RIC3: variants seen among roughly 807,000 people sequenced by gnomAD.
RIC3 encodes RIC3 acetylcholine receptor chaperone, also known as protein RIC-3.
RIC3 carries 28 observed loss-of-function variants against 27.3 expected under a neutral mutation model. The ratio of observed to expected loss-of-function variants is 1.02; its 90% CI spans 0.76 to 1.41. RIC3 has a LOEUF of 1.41. Ranked by LOEUF, RIC3 falls within the 40% of genes most tolerant of loss-of-function variation. The pLI, the probability that RIC3 is intolerant of heterozygous loss-of-function variation, is 0.00. For missense variants in RIC3, 501 were observed against 444.7 expected, an observed-to-expected ratio of 1.13 and a Z score of -1.14; for synonymous variants, 184 against 160.4, an observed-to-expected ratio of 1.15 and a Z score of -1.11.
Position 8,140,072 on chromosome 11 carries a change from T to G in RIC3, c.246A>C (p.Ser82=). The change falls in exon 2 of 6, where the codon TCA becomes TCC. Residue 82 remains serine (S), a synonymous_variant. Coordinates refer to ENST00000309737, the MANE Select transcript of RIC3 (RefSeq NM_001206671.4). ...LAEAFAKAKG[S]GGGAGGGGSG... ...TACCTCCTCCTCCAGCACCTCCACC[T>G]GATCCTTTGGCCTTTGCAAATGCCT... 6.2e-7 allele frequency: 1 copy of G among 1,614,112 alleles called. No individual in the cohort carries two copies.
At chr11:8,133,679 C>A (rs1430537541) in intron 4 of RIC3, among the ~76,000 whole-genome samples, 2 of 152,182 alleles carry the variant, frequency 1.3e-5, no homozygotes, top group Non-Finnish European at 1.5e-5. Context: ...TGAAATGAGA[C>A]AGTACAACTC....
intron 1 of RIC3, among the ~76,000 whole-genome samples, chr11:8,159,238 T>C (rs961727644): frequency 6.6e-6 from 1 of 152,076 alleles, no homozygotes; most frequent in Admixed American, 6.6e-5. Flanking sequence ...AAGAAGAGCA[T>C]TTCAAACAAG....
chr11:8,095,654 T>C, the RIC3 span: 2 of 1,601,494 alleles, frequency 1.2e-6, no homozygotes, highest in South Asian at 1.1e-5. Context: ...CGTGCCACGA[T>C]GCAGAGGAAG....
At chr11:8,126,862 A>C (rs1947042963) in intron 4 of RIC3, 55 bp from the exon 5 acceptor site, 1 of 1,600,248 alleles carries the variant, frequency 6.2e-7, no homozygotes, top group Non-Finnish European at 8.5e-7. Context: ...TAGGCAATGG[A>C]CGTAAACATC....
chr11:8,144,609 G>T lies in RIC3; in HGVS notation c.125-4416C>A, dbSNP rs1012234349. Among the ~76,000 whole-genome samples the T allele has an allele frequency of 5.9e-3, 892 of 152,000 alleles. 9 individuals are homozygous for T. Among genetic ancestry groups the T allele is most frequent in the African/African-American group, 0.02 (846 of 41,380 alleles). On this transcript the variant is annotated intron_variant, in intron 1 of 5. Coordinates refer to ENST00000309737, the MANE Select transcript of RIC3 (RefSeq NM_001206671.4). ...ACTGTAAACTAGTTCAACCATTGTG[G>T]AAGTCAGTGTGGTGATTCCTCAGGG... is the stretch of plus-strand genomic sequence containing the variant.
intron 1 of RIC3, among the ~76,000 whole-genome samples, chr11:8,157,419 A>G (rs1312407903): frequency 6.6e-6 from 1 of 152,174 alleles, no homozygotes; most frequent in Non-Finnish European, 1.5e-5. Context: ...ACACAAACCC[A>G]AATCCTATAA....
intron 1 of RIC3, among the ~76,000 whole-genome samples, chr11:8,152,628 G>T (rs1486837559): frequency 6.6e-6 from 1 of 152,140 alleles, no homozygotes; most frequent in East Asian, 1.9e-4. Context: ...GTGGGGAGGT[G>T]TGTGATTTAA....
In RIC3 at chr11:8,142,138, C is replaced by T. The variant is rs1347847087; in HGVS notation, c.125-1945G>A. Among the ~76,000 whole-genome samples, 302 of 144,790 alleles carry T rather than the reference C, an allele frequency of 2.1e-3. 1 individual carries two copies. Among genetic ancestry groups the T allele is most frequent in the Non-Finnish European group, 3.7e-3 (243 of 66,434 alleles). The allele number at this position is 144,790 out of a possible 152,430, so 95.0% of individuals were successfully genotyped here. ...AGAACTAGAAAAGCAAGAGCAAACA[C>T]ATTCAAAAGCTAGCAGAAGGCAAGA... is the stretch of plus-strand genomic sequence containing the variant. On this transcript the variant is annotated intron_variant, in intron 1 of 5. Transcript: ENST00000309737.
chr11:8,140,033 C>T lies in RIC3; in HGVS notation c.285G>A (p.Leu95=). ...GAGGGGSGRG[L]MGQIIPIYGF... ...CGTAGATTGGAATAATCTGCCCCAT[C>T]AGACCTCTTCCACTACCTCCTCCTC... is the stretch of plus-strand genomic sequence containing the variant. The change falls in exon 2 of 6, where the codon CTG becomes CTA. Residue 95 remains leucine, a synonymous_variant. Transcript: ENST00000309737. 6.2e-7 allele frequency: 1 copy of T among 1,614,114 alleles called. No individual in the cohort carries two copies.
At chr11:8,112,505 G>A (rs1945392564) in intron 5 of RIC3, among the ~76,000 whole-genome samples, 1 of 152,022 alleles carries the variant, frequency 6.6e-6, no homozygotes, top group South Asian at 2.1e-4. Context: ...ATGTTGGCCA[G>A]GCTGGTCTCA....
chr11:8,137,342 G>A (rs544466857), intron 4 of RIC3, 36 bp downstream of exon 4: 38 of 1,574,906 alleles, frequency 2.4e-5, no homozygotes, highest in Non-Finnish European at 2.8e-5. Flanking sequence ...TTTTCTAAAT[G>A]AGAAATAGTC....
intron 5 of RIC3, among the ~76,000 whole-genome samples, chr11:8,113,215 T>C (rs552333246): frequency 6.6e-6 from 1 of 152,324 alleles, no homozygotes; most frequent in African/African-American, 2.4e-5. Flanking sequence ...ACTGAATGCT[T>C]AAAAGAAGTC....
chr11:8,129,979 C>T (rs1261013864), intron 4 of RIC3, among the ~76,000 whole-genome samples: 1 of 152,226 alleles, frequency 6.6e-6, no homozygotes, highest in East Asian at 1.9e-4. Context: ...AACTCCAAAG[C>T]CTTATGTACT....
rs371146850 is a variant in RIC3 at position 8,167,170 on chromosome 11, T to C, written c.124+1696A>G. Among the ~76,000 whole-genome samples, 10 of 152,270 alleles carry C rather than the reference T, an allele frequency of 6.6e-5. No individual in the cohort carries two copies. The East Asian group carries it at 1.5e-3, about 24-fold the overall frequency. The stretch of plus-strand genomic sequence containing the variant: ...TCTTAAAGTATTTATTGACTGCCCA[T>C]TATATGCCAGGTACTGAAGAAACAG... On this transcript the variant is annotated intron_variant, in intron 1 of 5. Transcript: ENST00000309737.
At chr11:8,117,257 G>T (rs1945951947) in intron 5 of RIC3, among the ~76,000 whole-genome samples, 1 of 152,136 alleles carries the variant, frequency 6.6e-6, no homozygotes, top group African/African-American at 2.4e-5. Context: ...TGGAGACAGG[G>T]TTTCACCGTG....
At chr11:8,106,018 T>TTTA (rs1944590400), downstream of RIC3, 1 of 151,800 alleles carries the variant, frequency 6.6e-6, no homozygotes, top group South Asian at 2.1e-4. Flanking sequence ...GGTCAGACAT[T>TTTA]TTATTTTTGT....
chr11:8,165,691 T>C (rs1191855424), intron 1 of RIC3, among the ~76,000 whole-genome samples: 4 of 147,424 alleles, frequency 2.7e-5, no homozygotes, highest in African/African-American at 1.0e-4. Flanking sequence ...ATATATAAAT[T>C]AGATCTCAAG....
the RIC3 span, chr11:8,100,577 G>C: frequency 1.9e-6 from 3 of 1,613,974 alleles, no homozygotes; most frequent in Non-Finnish European, 2.5e-6. Flanking sequence ...TGGTTCATGA[G>C]AGAGTCTCTA....
Position 8,106,270 on chromosome 11 carries a change from G to GA in RIC3, c.*4427dup, listed in dbSNP as rs1473732680. On this transcript the variant is annotated 3_prime_UTR_variant, in exon 6 of 6. Coordinates refer to ENST00000309737, the MANE Select transcript of RIC3 (RefSeq NM_001206671.4). ...TTCTGTGTACTTTTTTCATAAAGGG[G>GA]AAAAAAGCCCTGTTTACTTCCTAAT... 3 of 152,062 alleles carry GA rather than the reference G, an allele frequency of 2.0e-5. No individual in the cohort carries two copies. Among genetic ancestry groups the GA allele is most frequent in the African/African-American group, 7.2e-5 (3 of 41,416 alleles). The allele number at this position is 152,062 out of a possible 1,614,324, so 9.4% of individuals were successfully genotyped here.
Sources: allele counts gnomAD v4.1 joint callset (sites outside exome capture counted in the v4.1 genomes callset), GRCh38; gene constraint gnomAD v4.1.1; transcripts MANE v1.5; gene names NCBI Gene and HGNC (gene_info 2026-07-23, HGNC 2026-07-21).